The following ADAMTSL1 variants were observed in gnomAD, a reference collection of about 807,000 sequenced individuals.
ADAMTSL1 encodes ADAMTS-like protein 1.
Under a neutral mutation model 201.8 loss-of-function variants are expected in ADAMTSL1, and 126 were observed. That is an observed-to-expected ratio of 0.62 (90% CI 0.54 to 0.72). The LOEUF is 0.72. Among genes scored for constraint, ADAMTSL1 ranks in the 30% least tolerant of loss-of-function variants. ADAMTSL1 has a pLI of 0.00. For synonymous variants in ADAMTSL1, 1,121 were observed against 903.4 expected (o/e 1.24, Z -4.32); for missense variants, 2,679 against 2,277.8 (o/e 1.18, Z -3.59).
chr9:18,573,397 C>G (rs554160372), intron 3 of ADAMTSL1: 2 of 155,272 alleles, frequency 1.3e-5, no homozygotes, highest in African/African-American at 4.8e-5. Flanking sequence ...CAGCCACCCA[C>G]CCATCTAAGG....
chr9:18,366,588 A>G (rs902412036), intron 2 of ADAMTSL1, among the ~76,000 whole-genome samples: 1 of 147,996 alleles, frequency 6.8e-6, no homozygotes, highest in African/African-American at 2.5e-5. Flanking sequence ...TCCAACAAAA[A>G]CACTATTATT....
chr9:18,498,979 A>G (rs1243557168), intron 1 of ADAMTSL1, among the ~76,000 whole-genome samples: 1 of 152,244 alleles, frequency 6.6e-6, no homozygotes, highest in East Asian at 1.9e-4. Flanking sequence ...AATGCGCAAA[A>G]GCGCACTGGA....
intron 2 of ADAMTSL1, among the ~76,000 whole-genome samples, chr9:18,527,310 A>G: frequency 6.6e-6 from 1 of 152,230 alleles, no homozygotes; most frequent in Non-Finnish European, 1.5e-5. Context: ...GCCTAATATA[A>G]GTGCAATTGT....
chr9:18,674,213 C>G (rs1013375428), intron 9 of ADAMTSL1, among the ~76,000 whole-genome samples: 8 of 144,808 alleles, frequency 5.5e-5, no homozygotes, highest in African/African-American at 2.1e-4. Flanking sequence ...CACACACACA[C>G]ACACACACAA....
intron 1 of ADAMTSL1, among the ~76,000 whole-genome samples, chr9:18,049,980 T>C (rs1821857158): frequency 6.6e-6 from 1 of 152,168 alleles, no homozygotes; most frequent in Non-Finnish European, 1.5e-5. Flanking sequence ...TTTATTTGAG[T>C]TGGGAACTTC....
chr9:18,681,700 G>T (rs544657187), intron 11 of ADAMTSL1, 112 bp from the exon 12 acceptor site: 41 of 673,390 alleles, frequency 6.1e-5, no homozygotes, highest in African/African-American at 1.6e-4. Context: ...CCTCGTGTGG[G>T]GGGGGGGGGC....
chr9:18,821,008 C>T (rs1177650599), intron 21 of ADAMTSL1, among the ~76,000 whole-genome samples: 1 of 152,132 alleles, frequency 6.6e-6, no homozygotes, highest in Non-Finnish European at 1.5e-5. Flanking sequence ...GCATATGAGG[C>T]TGAGGAGGTG....
chr9:17,981,921 T>C (rs1818720273), intron 1 of ADAMTSL1, among the ~76,000 whole-genome samples: 1 of 152,140 alleles, frequency 6.6e-6, no homozygotes, highest in Non-Finnish European at 1.5e-5. Flanking sequence ...CCCACCATGG[T>C]TGGACTTTGG....
rs547875896 is a variant in ADAMTSL1 at position 18,460,808 on chromosome 9, G to A, written c.208-44021G>A. ...ACATTTCTTCTGCAACACATACAAT[G>A]AATGACATCCTCTCTGTATAATGAA... On this transcript the variant is annotated intron_variant, in intron 2 of 29. Transcript: ENST00000680146. 3.3e-5 allele frequency among the ~76,000 whole-genome samples: 5 copies of A among 152,210 alleles called. No individual in the cohort carries two copies. The South Asian group carries it at 1.0e-3, about 32-fold the overall frequency.
intron 1 of ADAMTSL1, among the ~76,000 whole-genome samples, chr9:18,074,630 A>G (rs1402368930): frequency 6.8e-6 from 1 of 146,226 alleles, no homozygotes; most frequent in Non-Finnish European, 1.5e-5. Flanking sequence ...CACTCTCGTC[A>G]CTCAGGCTGG....
chr9:18,696,008 G>T (rs980584420), intron 13 of ADAMTSL1, among the ~76,000 whole-genome samples: 1 of 152,150 alleles, frequency 6.6e-6, no homozygotes, highest in Non-Finnish European at 1.5e-5. Flanking sequence ...AGAGAAGGAG[G>T]AAGAGGGCAA....
intron 2 of ADAMTSL1, among the ~76,000 whole-genome samples, chr9:18,299,278 A>T (rs1034822604): frequency 6.6e-6 from 1 of 152,104 alleles, no homozygotes; most frequent in Non-Finnish European, 1.5e-5. Context: ...GGTAGTTTTT[A>T]CTGTATAAAT....
intron 2 of ADAMTSL1, among the ~76,000 whole-genome samples, chr9:18,190,950 T>TA (rs1215733435): frequency 6.6e-6 from 1 of 152,198 alleles, no homozygotes; most frequent in Non-Finnish European, 1.5e-5. Context: ...TTAACTGGCC[T>TA]ACAGGTGTCA....
intron 1 of ADAMTSL1, among the ~76,000 whole-genome samples, chr9:17,953,035 T>G (rs1314545330): frequency 6.6e-6 from 1 of 150,648 alleles, no homozygotes; most frequent in Non-Finnish European, 1.5e-5. Context: ...TTTCCATAGT[T>G]TTTTTTTTTT....
intron 2 of ADAMTSL1, among the ~76,000 whole-genome samples, chr9:18,292,948 T>C (rs1833332229): frequency 1.3e-5 from 2 of 152,186 alleles, no homozygotes; most frequent in Admixed American, 1.3e-4. Flanking sequence ...GTTCTGTCCT[T>C]CTAGAGAACC....
chr9:18,880,223 T>A (rs1023711362), intron 23 of ADAMTSL1, among the ~76,000 whole-genome samples: 5 of 152,212 alleles, frequency 3.3e-5, no homozygotes, highest in African/African-American at 1.2e-4. Flanking sequence ...TTCCTGTTCA[T>A]GTTGGTATTT....
At chr9:17,961,673 T>C (rs1346188944) in intron 1 of ADAMTSL1, among the ~76,000 whole-genome samples, 2 of 152,202 alleles carry the variant, frequency 1.3e-5, no homozygotes, top group Non-Finnish European at 2.9e-5. Flanking sequence ...CAGCTCCAGA[T>C]TCATTTTTAT....
intron 2 of ADAMTSL1, among the ~76,000 whole-genome samples, chr9:18,425,695 GT>G (rs1445669315): frequency 2.0e-5 from 3 of 150,996 alleles, no homozygotes; most frequent in East Asian, 2.0e-4. Flanking sequence ...CTCTAAATAA[GT>G]TTAAAAAAAA....
chr9:18,878,892 G>A, intron 23 of ADAMTSL1, among the ~76,000 whole-genome samples: 1 of 152,178 alleles, frequency 6.6e-6, no homozygotes, highest in East Asian at 1.9e-4. Flanking sequence ...AGCTCTGCAG[G>A]GAGTGGGAGG....
Sources: gnomAD v4.1 joint callset for allele counts (sites outside exome capture counted in the v4.1 genomes callset) on GRCh38, gnomAD v4.1.1 for gene constraint, MANE v1.5 for transcripts, NCBI Gene and HGNC (gene_info 2026-07-23, HGNC 2026-07-21) for gene names.